EXOC2: variants seen among roughly 807,000 people sequenced by gnomAD.
The protein encoded by EXOC2 is exocyst complex component 2.
Under a neutral mutation model 131.8 loss-of-function variants are expected in EXOC2, and 70 were observed. The ratio of observed to expected loss-of-function variants is 0.53; its 90% CI spans 0.44 to 0.65. The LOEUF is 0.65. Ranked by LOEUF, EXOC2 falls within the 30% of genes least tolerant of loss-of-function variation. The probability of loss-of-function intolerance (pLI) is 0.00; values close to 1 mark genes in which losing one functional copy is unlikely to be tolerated. For synonymous variants in EXOC2, 411 were observed against 398.4 expected, an observed-to-expected ratio of 1.03 and a Z score of -0.38; for missense variants, 923 against 1,108.6, an observed-to-expected ratio of 0.83 and a Z score of 2.38.
chr6:690,126 C>T (rs2127822056), intron 1 of EXOC2, among the ~76,000 whole-genome samples: 1 of 152,242 alleles, frequency 6.6e-6, no homozygotes, highest in Non-Finnish European at 1.5e-5. Context: ...AAGCTGAGGC[C>T]AGCGCATCAC....
At chr6:605,502 A>G (rs1001899605) in intron 7 of EXOC2, among the ~76,000 whole-genome samples, 1 of 152,202 alleles carries the variant, frequency 6.6e-6, no homozygotes, top group African/African-American at 2.4e-5. Context: ...AGGTGTTTAT[A>G]GTATTCTCTG....
chr6:666,984 A>G (rs1763660454), intron 1 of EXOC2, among the ~76,000 whole-genome samples: 1 of 96,328 alleles, frequency 1.0e-5, no homozygotes, highest in Admixed American at 1.2e-4. Flanking sequence ...GAAGTACCTT[A>G]TAACAAAGTA....
intron 3 of EXOC2, 115 bp from the exon 4 acceptor site, chr6:630,076 CTT>C: frequency 7.9e-7 from 1 of 1,263,838 alleles, no homozygotes; most frequent in Non-Finnish European, 1.1e-6. Context: ...GTTGGATAAT[CTT>C]TAAGAGATTT....
At chr6:518,777 T>C (rs966947731) in intron 23 of EXOC2, among the ~76,000 whole-genome samples, 2 of 152,130 alleles carry the variant, frequency 1.3e-5, no homozygotes, top group African/African-American at 4.8e-5. Context: ...CCAATGAAAA[T>C]TATACTCCTT....
Position 485,522 on chromosome 6 carries a change from G to A in EXOC2, c.*1149C>T, listed in dbSNP as rs1412967592. 6.6e-6 allele frequency: 1 copy of A among 152,128 alleles called. No individual in the cohort carries two copies. Among genetic ancestry groups the A allele is most frequent in the Non-Finnish European group, 1.5e-5 (1 of 68,026 alleles). 9.4% of individuals were successfully genotyped at this position (152,128 alleles called of 1,614,324 possible). A position where few individuals can be genotyped will look rare whatever the true frequency, so the allele number is the denominator to read the frequency against. ...AAAAACTTGAAAACCCTGACAAGCC[G>A]ACTACAAAGAGAATTCCTCTCTGAA... On this transcript the variant is annotated 3_prime_UTR_variant, in exon 28 of 28. Coordinates refer to ENST00000230449, the MANE Select transcript of EXOC2 (RefSeq NM_018303.6).
intron 7 of EXOC2, among the ~76,000 whole-genome samples, chr6:609,317 C>CT (rs1224685875): frequency 6.6e-6 from 1 of 152,204 alleles, no homozygotes; most frequent in African/African-American, 2.4e-5. Context: ...ATTCTTAACT[C>CT]TACTTCCTGA....
chr6:591,021 T>C (rs1339685531), intron 11 of EXOC2, among the ~76,000 whole-genome samples: 1 of 152,186 alleles, frequency 6.6e-6, no homozygotes, highest in Non-Finnish European at 1.5e-5. Context: ...CAGTCAGCCA[T>C]CTGGAAATCA....
chr6:561,912 A>G (rs1406951179), intron 17 of EXOC2, among the ~76,000 whole-genome samples: 2 of 152,174 alleles, frequency 1.3e-5, no homozygotes, highest in Non-Finnish European at 2.9e-5. Context: ...GTAAGACAGA[A>G]AACAGGAGCA....
chr6:527,923 A>G (rs1438519480), intron 23 of EXOC2, among the ~76,000 whole-genome samples: 2 of 152,116 alleles, frequency 1.3e-5, no homozygotes, highest in South Asian at 4.1e-4. Context: ...TTTCTTATTT[A>G]ATGTTTCAAA....
chr6:605,790 T>A (rs1217815592), intron 7 of EXOC2, among the ~76,000 whole-genome samples: 1 of 152,240 alleles, frequency 6.6e-6, no homozygotes, highest in Non-Finnish European at 1.5e-5. Flanking sequence ...TTAATTGTGA[T>A]GTTAGGGTGT....
intron 11 of EXOC2, among the ~76,000 whole-genome samples, chr6:580,071 T>A (rs1410486933): frequency 6.6e-6 from 1 of 150,626 alleles, no homozygotes; most frequent in African/African-American, 2.4e-5. Context: ...AGATGAAGTG[T>A]CACTCTGTTG....
At chr6:570,654 T>C (rs1379477068) in intron 13 of EXOC2, among the ~76,000 whole-genome samples, 1 of 152,218 alleles carries the variant, frequency 6.6e-6, no homozygotes. Context: ...CAGACATTAT[T>C]ATCAGCACTT....
intron 1 of EXOC2, among the ~76,000 whole-genome samples, chr6:638,965 C>T (rs1419824584): frequency 1.4e-5 from 1 of 72,304 alleles, no homozygotes; most frequent in African/African-American, 3.9e-5. Context: ...TACTAATAAA[C>T]CCGAGAACTC....
At chr6:684,066 C>T (rs1358236570) in intron 1 of EXOC2, among the ~76,000 whole-genome samples, 1 of 152,224 alleles carries the variant, frequency 6.6e-6, no homozygotes, top group South Asian at 2.1e-4. Flanking sequence ...AGCAGCCTCT[C>T]GGCTGAGCGG....
chr6:563,998 T>G, intron 16 of EXOC2, 35 bp downstream of exon 16: 2 of 1,607,732 alleles, frequency 1.2e-6, no homozygotes, highest in East Asian at 2.2e-5. Context: ...AGATAATCAT[T>G]GCACAGTGAA....
At chr6:661,715 C>T (rs1370216574) in intron 1 of EXOC2, among the ~76,000 whole-genome samples, 1 of 151,952 alleles carries the variant, frequency 6.6e-6, no homozygotes, top group East Asian at 1.9e-4. Context: ...GGACCTATAA[C>T]AAAAATACAC....
chr6:519,111 G>A (rs1048568740), intron 23 of EXOC2, among the ~76,000 whole-genome samples: 1 of 142,050 alleles, frequency 7.0e-6, no homozygotes, highest in African/African-American at 2.7e-5. Flanking sequence ...CACACTCGGA[G>A]ACGAAAACCA....
intron 23 of EXOC2, among the ~76,000 whole-genome samples, chr6:513,890 C>T (rs1297503945): frequency 1.3e-5 from 2 of 152,224 alleles, no homozygotes; most frequent in African/African-American, 4.8e-5. Context: ...TTGTTGATGT[C>T]TCTTGCTCCA....
rs78262903 is a variant in EXOC2 at position 486,599 on chromosome 6, C to T, written c.*72G>A. 23,147 of 1,347,166 alleles carry T rather than the reference C, an allele frequency of 0.017. 481 individuals carry two copies. Among genetic ancestry groups the T allele is most frequent in the South Asian group, 0.07 (5,705 of 81,744 alleles). 83.5% of individuals were successfully genotyped at this position (1,347,166 alleles called of 1,614,324 possible). On this transcript the variant is annotated 3_prime_UTR_variant, in exon 28 of 28. Transcript: ENST00000230449. The stretch of plus-strand genomic sequence containing the variant: ...ACCCAATGTTTAATACACCAAATAC[C>T]TTTAGGGTACTTAGAGAGTGAACAG...
Sources: gnomAD v4.1 joint callset for allele counts (sites outside exome capture counted in the v4.1 genomes callset) on GRCh38, gnomAD v4.1.1 for gene constraint, MANE v1.5 for transcripts, NCBI Gene and HGNC (gene_info 2026-07-23, HGNC 2026-07-21) for gene names.